The following CLPB variants were observed in gnomAD, a reference collection of about 807,000 sequenced individuals.
CLPB encodes the protein mitochondrial disaggregase.
Under a neutral mutation model 78.4 loss-of-function variants are expected in CLPB, and 40 were observed. That is an observed-to-expected ratio of 0.51 (90% CI 0.40 to 0.66). CLPB has a LOEUF of 0.66. Ranked by LOEUF, CLPB falls within the 30% of genes least tolerant of loss-of-function variation. The pLI is 0.00. For missense variants in CLPB, 780 were observed against 886.9 expected (o/e 0.88, Z 1.53); for synonymous variants, 333 against 348.0 (o/e 0.96, Z 0.48).
At chr11:72,392,188 T>A (rs1855273716) in intron 3 of CLPB, among the ~76,000 whole-genome samples, 1 of 151,904 alleles carries the variant, frequency 6.6e-6, no homozygotes, top group South Asian at 2.1e-4. Context: ...CTCTAACTCC[T>A]CCTCCTCCCC....
rs145962466 is a variant in CLPB, at chr11:72,424,043, A to C, written c.455+6269T>G. On this transcript the variant is annotated intron_variant, in intron 2 of 15. Transcript: ENST00000538039. ...AGAGGAATACATTTATGCTGTTTATAAACCACTCAATCTGCGGTATTCTGT... is the reference window on the plus strand; with the variant it reads ...AGAGGAATACATTTATGCTGTTTATCAACCACTCAATCTGCGGTATTCTGT... Among the ~76,000 whole-genome samples, 367 of 152,338 alleles carry C rather than the reference A, an allele frequency of 2.4e-3. 1 individual carries two copies. Among genetic ancestry groups the C allele is most frequent in the African/African-American group, 8.5e-3 (355 of 41,580 alleles).
At chr11:72,309,897 T>C (rs1949813868) in intron 7 of CLPB, among the ~76,000 whole-genome samples, 1 of 152,172 alleles carries the variant, frequency 6.6e-6, no homozygotes, top group Non-Finnish European at 1.5e-5. Flanking sequence ...TTTGACAGTG[T>C]TTGGGATGTG....
At position 72,418,282 on chromosome 11, in the gene CLPB, G is replaced by C. The variant is rs142200876; in HGVS notation, c.455+12030C>G. 9.8e-5 allele frequency among the ~76,000 whole-genome samples: 15 copies of C among 152,306 alleles called. No homozygotes were observed. The East Asian group carries it at 2.9e-3, about 29-fold the overall frequency. ...ACTACGGTGAAGGCAGGAGAAGGAG[G>C]TGCCATACACCTTGCTGTGACAGGG... On this transcript the variant is annotated intron_variant, in intron 2 of 15. Transcript: ENST00000538039.
At chr11:72,360,937 C>T (rs1416483632) in intron 4 of CLPB, among the ~76,000 whole-genome samples, 2 of 152,316 alleles carry the variant, frequency 1.3e-5, no homozygotes, top group East Asian at 3.9e-4. Context: ...ATGTCACCCT[C>T]AATTTCCAAA....
At chr11:72,327,556 C>T (rs1306278077) in intron 6 of CLPB, among the ~76,000 whole-genome samples, 1 of 152,206 alleles carries the variant, frequency 6.6e-6, no homozygotes, top group South Asian at 2.1e-4. Flanking sequence ...GGCCTAACCC[C>T]TCCACCAGCG....
At chr11:72,310,634 ACGTGAAAGGAGC>A (rs1285485299) in intron 7 of CLPB, among the ~76,000 whole-genome samples, 1 of 152,188 alleles carries the variant, frequency 6.6e-6, no homozygotes, top group Non-Finnish European at 1.5e-5. Flanking sequence ...GACAGCAGTG[ACGTGAAAGGAGC>A]CGTGTTCTTC....
chr11:72,330,187 G>A (rs555277821), intron 5 of CLPB, among the ~76,000 whole-genome samples: 1 of 152,238 alleles, frequency 6.6e-6, no homozygotes, highest in East Asian at 1.9e-4. Context: ...GCCATATAAA[G>A]GGTTCCTTTC....
At chr11:72,382,283 T>C (rs1854939880) in intron 3 of CLPB, among the ~76,000 whole-genome samples, 1 of 152,130 alleles carries the variant, frequency 6.6e-6, no homozygotes, top group African/African-American at 2.4e-5. Flanking sequence ...CCAGCCCTTG[T>C]GGACCCAGGG....
At chr11:72,354,221 AT>A (rs1033329094) in intron 5 of CLPB, 6 of 387,902 alleles carry the variant, frequency 1.5e-5, no homozygotes, top group Non-Finnish European at 2.3e-5. Context: ...TTTGAAGCAC[AT>A]ACAAAAAAAA....
At position 72,294,535 on chromosome 11, in the gene CLPB, T is replaced by G. The variant is rs537999414; in HGVS notation, c.1560+85A>C. 134 of 1,610,094 alleles carry G rather than the reference T, an allele frequency of 8.3e-5. No homozygotes were observed. The African/African-American group carries it at 1.6e-3, about 19-fold the overall frequency. ...CACCAGGGGAAGACTGGGGAAATTA[T>G]GGGGCTTCCAGATCTTTAGGATGGC... On this transcript the variant is annotated intron_variant, in intron 13 of 15. Transcript: ENST00000538039.
At chr11:72,344,536 T>C (rs1950478052) in intron 5 of CLPB, among the ~76,000 whole-genome samples, 1 of 152,184 alleles carries the variant, frequency 6.6e-6, no homozygotes, top group African/African-American at 2.4e-5. Context: ...TTGATTTCCA[T>C]GATATGCAAT....
chr11:72,427,452 GTGTT>G (rs1387557293), intron 2 of CLPB, among the ~76,000 whole-genome samples: 9 of 152,328 alleles, frequency 5.9e-5, no homozygotes, highest in Admixed American at 3.3e-4. Flanking sequence ...ACACAATGAT[GTGTT>G]TGTTAACGAT....
At chr11:72,322,764 C>T (rs913026195) in intron 6 of CLPB, among the ~76,000 whole-genome samples, 5 of 151,934 alleles carry the variant, frequency 3.3e-5, no homozygotes, top group African/African-American at 1.2e-4. Flanking sequence ...TATTTTTTTT[C>T]CCTTTGTAAT....
At chr11:72,300,732 G>T (rs545836886) in intron 11 of CLPB, among the ~76,000 whole-genome samples, 122 of 152,274 alleles carry the variant, frequency 8.0e-4, no homozygotes, top group African/African-American at 2.9e-3. Context: ...TGTTTTCCTA[G>T]GGCTGCAGGA....
At chr11:72,395,831 A>G (rs990029335) in intron 3 of CLPB, among the ~76,000 whole-genome samples, 1 of 152,168 alleles carries the variant, frequency 6.6e-6, no homozygotes. Context: ...TGCTCCACGT[A>G]TAGCTAGCCA....
chr11:72,343,213 G>A (rs1950453004), intron 5 of CLPB, among the ~76,000 whole-genome samples: 1 of 152,172 alleles, frequency 6.6e-6, no homozygotes, highest in Non-Finnish European at 1.5e-5. Flanking sequence ...CAAATATACA[G>A]ACTTTCAGTC....
At chr11:72,420,652 G>A (rs1856168228) in intron 2 of CLPB, among the ~76,000 whole-genome samples, 1 of 152,240 alleles carries the variant, frequency 6.6e-6, no homozygotes, top group South Asian at 2.1e-4. Context: ...ACAGAAGGTG[G>A]TAAGTGCTCT....
chr11:72,397,885 C>T (rs1855454769), intron 3 of CLPB, among the ~76,000 whole-genome samples: 1 of 152,170 alleles, frequency 6.6e-6, no homozygotes, highest in Admixed American at 6.5e-5. Flanking sequence ...ACTTAAACTT[C>T]TAATTTACAA....
chr11:72,373,055 G>A, intron 4 of CLPB: 4 of 1,556,148 alleles, frequency 2.6e-6, no homozygotes, highest in Non-Finnish European at 3.5e-6. Context: ...GAGCAGGCCA[G>A]GTCCTGCAGG....
Sources: gnomAD v4.1 joint callset for allele counts (sites outside exome capture counted in the v4.1 genomes callset) on GRCh38, gnomAD v4.1.1 for gene constraint, MANE v1.5 for transcripts, NCBI Gene and HGNC (gene_info 2026-07-23, HGNC 2026-07-21) for gene names.